Variants in ZFPM2 observed in about 807,000 individuals in gnomAD.
ZFPM2 encodes the protein zinc finger protein ZFPM2.
In ZFPM2, 20 loss-of-function variants were observed where a neutral mutation model predicts 98.6. The ratio of observed to expected loss-of-function variants is 0.20; its 90% CI spans 0.14 to 0.29. The LOEUF is 0.29. ZFPM2 is among the 10% of genes least tolerant of loss of function. ZFPM2 has a pLI of 1.00. For missense variants in ZFPM2, 1,310 were observed against 1,388.6 expected (o/e 0.94, Z 0.90); for synonymous variants, 518 against 502.7 (o/e 1.03, Z -0.41).
At chr8:105,546,501 A>ATG (rs2130643089) in intron 3 of ZFPM2, among the ~76,000 whole-genome samples, 1 of 150,568 alleles carries the variant, frequency 6.6e-6, no homozygotes, top group Admixed American at 6.6e-5. Flanking sequence ...CCTGGGAGCC[A>ATG]GAGGTTGCTG....
chr8:105,543,207 C>T (rs1377468782), intron 3 of ZFPM2, among the ~76,000 whole-genome samples: 2 of 152,134 alleles, frequency 1.3e-5, no homozygotes, highest in African/African-American at 4.8e-5. Context: ...AATACAAGGC[C>T]GGGCGTGGTA....
At chr8:105,443,338 A>AAAAAAC (rs1554605250) in intron 2 of ZFPM2, among the ~76,000 whole-genome samples, 68 of 151,096 alleles carry the variant, frequency 4.5e-4, no homozygotes, top group South Asian at 8.4e-4. Flanking sequence ...AAAAAAAAAA[A>AAAAAAC]ACTTGGCATT....
intron 4 of ZFPM2, among the ~76,000 whole-genome samples, chr8:105,612,197 G>T (rs973127087): frequency 2.0e-5 from 3 of 151,932 alleles, no homozygotes; most frequent in African/African-American, 7.3e-5. Context: ...ATTTCCCAGG[G>T]ATTTATAAAC....
intron 5 of ZFPM2, among the ~76,000 whole-genome samples, chr8:105,733,461 T>C (rs1811992684): frequency 6.6e-6 from 1 of 151,906 alleles, no homozygotes; most frequent in Admixed American, 6.6e-5. Flanking sequence ...AATTTGAATG[T>C]CTACAAATTT....
At chr8:105,379,270 A>G (rs1319489433) in intron 1 of ZFPM2, among the ~76,000 whole-genome samples, 1 of 152,200 alleles carries the variant, frequency 6.6e-6, no homozygotes. Context: ...ATATCTGCAT[A>G]TGAACATCAA....
At chr8:105,373,524 C>T (rs1027406542) in intron 1 of ZFPM2, among the ~76,000 whole-genome samples, 2 of 152,120 alleles carry the variant, frequency 1.3e-5, no homozygotes, top group African/African-American at 4.8e-5. Context: ...GCCTTACAGT[C>T]ATCATTACAG....
At chr8:105,763,693 T>G (rs541926778) in intron 5 of ZFPM2, among the ~76,000 whole-genome samples, 276 of 152,030 alleles carry the variant, frequency 1.8e-3, no homozygotes, top group Non-Finnish European at 2.3e-3. Flanking sequence ...CAAGGTCACA[T>G]AGATGCTAAA....
intron 3 of ZFPM2, among the ~76,000 whole-genome samples, chr8:105,471,076 A>G (rs1429099898): frequency 1.3e-5 from 2 of 152,126 alleles, no homozygotes; most frequent in East Asian, 1.9e-4. Flanking sequence ...GTTTCTGACT[A>G]TTCCTTTAAC....
At chr8:105,671,185 T>C (rs1028158822) in intron 5 of ZFPM2, among the ~76,000 whole-genome samples, 1 of 152,048 alleles carries the variant, frequency 6.6e-6, no homozygotes, top group African/African-American at 2.4e-5. Context: ...TACAATATTG[T>C]AGTATATCAG....
At chr8:105,737,871 A>G (rs1455629031) in intron 5 of ZFPM2, 1 of 152,008 alleles carries the variant, frequency 6.6e-6, no homozygotes, top group Non-Finnish European at 1.5e-5. Flanking sequence ...TTTCAATGTT[A>G]ATTTTTTCTT....
At chr8:105,442,833 C>T (rs1251159337) in intron 2 of ZFPM2, among the ~76,000 whole-genome samples, 6 of 151,378 alleles carry the variant, frequency 4.0e-5, no homozygotes, top group Admixed American at 1.3e-4. Flanking sequence ...TGTCATTCAT[C>T]GTAATCATGA....
chr8:105,545,362 C>T (rs553355212), intron 3 of ZFPM2, among the ~76,000 whole-genome samples: 1 of 152,114 alleles, frequency 6.6e-6, no homozygotes, highest in East Asian at 1.9e-4. Flanking sequence ...TTTGTAGTAG[C>T]CATCTCTCAT....
intron 5 of ZFPM2, among the ~76,000 whole-genome samples, chr8:105,709,386 A>C (rs752559529): frequency 5.9e-5 from 9 of 152,170 alleles, no homozygotes; most frequent in Admixed American, 1.3e-4. Context: ...AAGATTAGAC[A>C]GGTGTTCTTG....
Position 105,658,480 on chromosome 8 carries a change from C to T in ZFPM2, c.532+24123C>T, listed in dbSNP as rs1357954553. 2.3e-5 allele frequency among the ~76,000 whole-genome samples: 2 copies of T among 86,152 alleles called. 1 individual carries two copies. Among genetic ancestry groups the T allele is most frequent in the African/African-American group, 1.0e-4 (2 of 19,194 alleles). The allele number at this position is 86,152 out of a possible 152,430, so 56.5% of individuals were successfully genotyped here. ...GCGGGCGCCTGTAGTCCCAGCTACT[C>T]GGGAGGCTGAGGCAGGAGAATGGCG... On this transcript the variant is annotated intron_variant, in intron 5 of 7. Coordinates refer to ENST00000407775, the MANE Select transcript of ZFPM2 (RefSeq NM_012082.4).
chr8:105,646,183 C>T (rs1563756303), intron 5 of ZFPM2, among the ~76,000 whole-genome samples: 1 of 151,876 alleles, frequency 6.6e-6, no homozygotes, highest in Admixed American at 6.6e-5. Flanking sequence ...GTGGGGTTTT[C>T]GGTTCTTTGG....
chr8:105,484,329 G>A (rs544641822), intron 3 of ZFPM2, among the ~76,000 whole-genome samples: 1 of 151,528 alleles, frequency 6.6e-6, no homozygotes, highest in African/African-American at 2.4e-5. Context: ...CTAATCAATG[G>A]TTTAGTTAAT....
chr8:105,510,800 T>C (rs1586426378), intron 3 of ZFPM2, among the ~76,000 whole-genome samples: 2 of 152,308 alleles, frequency 1.3e-5, no homozygotes, highest in African/African-American at 4.8e-5. Context: ...GGTGGGGATG[T>C]GAGGGACTGG....
At chr8:105,646,424 G>A (rs1181309238) in intron 5 of ZFPM2, among the ~76,000 whole-genome samples, 3 of 152,098 alleles carry the variant, frequency 2.0e-5, no homozygotes, top group East Asian at 3.9e-4. Flanking sequence ...TAGCGATGAG[G>A]GGTATGATGA....
chr8:105,487,892 GTCTATCTATCTA>G (rs752314176), intron 3 of ZFPM2, among the ~76,000 whole-genome samples: 8 of 103,344 alleles, frequency 7.7e-5, no homozygotes, highest in Non-Finnish European at 8.6e-5. Flanking sequence ...AAGTCTGTCT[GTCTATCTATCTA>G]TCTATCTATC....
Sources: gnomAD v4.1 joint callset for allele counts (sites outside exome capture counted in the v4.1 genomes callset) on GRCh38, gnomAD v4.1.1 for gene constraint, MANE v1.5 for transcripts, NCBI Gene and HGNC (gene_info 2026-07-23, HGNC 2026-07-21) for gene names.